Variants in TLE3 observed in about 807,000 individuals in gnomAD.
TLE3 encodes TLE family member 3, transcriptional corepressor.
In TLE3, 14 loss-of-function variants were observed where a neutral mutation model predicts 93.0. That is an observed-to-expected ratio of 0.15 (90% CI 0.10 to 0.24). The LOEUF (loss-of-function observed/expected upper bound fraction) is 0.24. Among genes scored for constraint, TLE3 ranks in the 10% least tolerant of loss-of-function variants. The pLI is 1.00. For missense variants in TLE3, 693 were observed against 1,046.6 expected (o/e 0.66, Z 4.66); for synonymous variants, 451 against 425.0 (o/e 1.06, Z -0.75).
intron 1 of TLE3, chr15:70,096,527 CTT>C: frequency 7.5e-7 from 1 of 1,325,276 alleles, no homozygotes; most frequent in South Asian, 1.3e-5. Context: ...AGTTGGGAGA[CTT>C]CAGAGCGGGG....
rs1363905466 is a variant in TLE3 at position 70,050,139 on chromosome 15, G to A, written c.2268C>T (p.Gly756=). ...AAACTGTGGCCTTCTTGTCACCAGA[G>A]CCTGTTACAATGTATTTGTCATCCG... The part of the protein sequence containing the change: ...ISADDKYIVT[G]SGDKKATVYE... The change falls in exon 20 of 20, where the codon GGC becomes GGT. Residue 756 remains glycine, a synonymous_variant. Transcript: ENST00000451782. 6.2e-7 allele frequency: 1 copy of A among 1,614,016 alleles called. No individual in the cohort carries two copies. The highest frequency in any genetic ancestry group is 1.3e-5 in the African/African-American group (1 of 74,934).
At position 70,057,519 on chromosome 15, in the gene TLE3, G is replaced by T; in HGVS notation, c.1191C>A (p.Ser397Arg). ...AGLHNIPPQM[S>R]AAAAAAAAAY... is the part of the protein sequence containing the mutation. ...CAGCGGCTGCAGCAGCGGCGGCGGC[G>T]CTCATCTGGGGTGGGATGTTGTGGA... The change falls in exon 13 of 20, where the codon AGC (serine) becomes AGA (arginine). Residue 397 changes from serine to arginine, a missense_variant. Ser to Arg is a moderately radical substitution (Grantham distance 110, BLOSUM62 -1). Transcript: ENST00000451782. 1 of 1,607,560 alleles carries T rather than the reference G, an allele frequency of 6.2e-7. No homozygotes were observed. Among genetic ancestry groups the T allele is most frequent in the Non-Finnish European group, 8.5e-7 (1 of 1,177,326 alleles).
At chr15:70,072,275 C>T (rs767339348) in intron 6 of TLE3, among the ~76,000 whole-genome samples, 6 of 152,160 alleles carry the variant, frequency 3.9e-5, no homozygotes, top group Non-Finnish European at 8.8e-5. Context: ...AGTTTTACTC[C>T]TTTCTTAAAA....
At chr15:70,060,726 G>C (rs914604420) in intron 8 of TLE3, 77 bp from the exon 9 acceptor site, 2 of 1,586,700 alleles carry the variant, frequency 1.3e-6, no homozygotes, top group African/African-American at 2.7e-5. Context: ...ACAGCTAAGT[G>C]CAGGTGACAC....
intron 17 of TLE3, 184 bp downstream of exon 17, chr15:70,053,043 G>A: frequency 1.4e-6 from 1 of 698,906 alleles, no homozygotes; most frequent in Non-Finnish European, 2.3e-6. Context: ...CCAACCCCAA[G>A]GTCATCTCCA....
At chr15:70,051,246 G>T (rs1004419296) in intron 19 of TLE3, 145 bp downstream of exon 19, 10 of 706,902 alleles carry the variant, frequency 1.4e-5, no homozygotes, top group Non-Finnish European at 2.3e-5. Context: ...CCCCTATCAG[G>T]TAGGGGTGGG....
rs139644400 is a variant in TLE3, at chr15:70,062,352, C to T, written c.595-1703G>A. Among the ~76,000 whole-genome samples, 73 of 152,358 alleles carry T rather than the reference C, an allele frequency of 4.8e-4. 2 individuals are homozygous for T. The East Asian group carries it at 0.013, about 27-fold the overall frequency. On this transcript the variant is annotated intron_variant, in intron 8 of 19. Transcript: ENST00000451782. Reference sequence around the variant, plus strand: ...CTAAGCAGAAATGCTTCCAGCCCCTCGCACTGGCTGCCCCTTGCAGGCGGG... The same window carrying T: ...CTAAGCAGAAATGCTTCCAGCCCCTTGCACTGGCTGCCCCTTGCAGGCGGG...
At chr15:70,077,876 C>T (rs1265387864) in intron 4 of TLE3, among the ~76,000 whole-genome samples, 1 of 152,260 alleles carries the variant, frequency 6.6e-6, no homozygotes, top group Non-Finnish European at 1.5e-5. Context: ...ACTGTGTCAA[C>T]AATGGCCCCC....
Position 70,064,436 on chromosome 15 carries a change from C to T in TLE3, c.594+18G>A. ...AGCACCCAAACACCCCTCCGGGTTCCAGAGTGCCAACACTTACCGCACTGG... is the reference window on the plus strand; with the variant it reads ...AGCACCCAAACACCCCTCCGGGTTCTAGAGTGCCAACACTTACCGCACTGG... On this transcript the variant is annotated intron_variant, in intron 8 of 19. Transcript: ENST00000451782. The T allele has an allele frequency of 6.2e-7, 1 of 1,613,656 alleles. No homozygotes were observed. Among genetic ancestry groups the T allele is most frequent in the Non-Finnish European group, 8.5e-7 (1 of 1,179,686 alleles).
intron 17 of TLE3, 143 bp from the exon 18 acceptor site, chr15:70,052,667 AT>A: frequency 2.5e-6 from 2 of 815,192 alleles, no homozygotes; most frequent in Non-Finnish European, 3.5e-6. Flanking sequence ...ATGGGAGGTC[AT>A]TTTCCATCCC....
Position 70,097,011 on chromosome 15 carries a change from T to TCGGCGGGCGCCGGGGCCGGG in TLE3, c.-233_-214dup, listed in dbSNP as rs2058599888. 1.7e-6 allele frequency: 1 copy of TCGGCGGGCGCCGGGGCCGGG among 585,074 alleles called. No homozygotes were observed. The highest frequency in any genetic ancestry group is 2.9e-6 in the Non-Finnish European group (1 of 342,942). 36.2% of individuals were successfully genotyped at this position (585,074 alleles called of 1,614,324 possible). A position where few individuals can be genotyped will look rare whatever the true frequency, so the allele number is the denominator to read the frequency against. On this transcript the variant is annotated 5_prime_UTR_variant, in exon 1 of 20. Coordinates refer to ENST00000451782, the MANE Select transcript of TLE3 (RefSeq NM_001105192.3). ...AGCCGCGGAGCAGGCGGCAAAGTCGTCGGCGGGCGCCGGGGCCGGGCGGCG... is the reference window on the plus strand; with the variant it reads ...AGCCGCGGAGCAGGCGGCAAAGTCGTCGGCGGGCGCCGGGGCCGGGCGGCGGGCGCCGGGGCCGGGCGGCG...
chr15:70,074,481 G>T, intron 6 of TLE3, 52 bp downstream of exon 6: 2 of 1,572,300 alleles, frequency 1.3e-6, no homozygotes, highest in African/African-American at 1.3e-5. Context: ...ATAAATGAGA[G>T]GAATAAAAGG....
Position 70,051,486 on chromosome 15 carries a change from G to C in TLE3, c.2126-19C>G, listed in dbSNP as rs576030327. On this transcript the variant is annotated intron_variant, in intron 18 of 19. Transcript: ENST00000451782. ...CACTTGCCTGCAGGTGGGAGGCAAA[G>C]GCATGATCAGGTTGTAGCTCACTGC... is the stretch of plus-strand genomic sequence containing the variant. The C allele has an allele frequency of 1.3e-6, 2 of 1,595,006 alleles. No individual in the cohort carries two copies. The highest frequency in any genetic ancestry group is 1.7e-6 in the Non-Finnish European group (2 of 1,170,270).
At chr15:70,067,543 G>C (rs369758398) in intron 6 of TLE3, among the ~76,000 whole-genome samples, 8 of 152,298 alleles carry the variant, frequency 5.3e-5, no homozygotes, top group African/African-American at 1.9e-4. Context: ...GGGGTTGGTG[G>C]AAAGTGCCAT....
intron 3 of TLE3, 157 bp downstream of exon 3, chr15:70,095,421 G>C: frequency 6.7e-7 from 1 of 1,499,202 alleles, no homozygotes; most frequent in Non-Finnish European, 8.9e-7. Context: ...AATGGAAGCT[G>C]GGGAAGGGGA....
intron 4 of TLE3, among the ~76,000 whole-genome samples, chr15:70,082,326 TG>T (rs1306567876): frequency 7.0e-6 from 1 of 142,828 alleles, no homozygotes; most frequent in Non-Finnish European, 1.5e-5. Context: ...AAGAAATCCA[TG>T]GGGGGGCCGG....
Position 70,096,833 on chromosome 15 carries a change from G to A in TLE3, c.-35C>T. The A allele has an allele frequency of 6.2e-7, 1 of 1,606,716 alleles. No homozygotes were observed. The highest frequency in any genetic ancestry group is 1.3e-5 in the African/African-American group (1 of 74,580). On this transcript the variant is annotated 5_prime_UTR_variant, in exon 1 of 20. Coordinates refer to ENST00000451782, the MANE Select transcript of TLE3 (RefSeq NM_001105192.3). ...GGGTCGTGATTCCGAGAGCGTGGAAGCGCCGAGAGCCCGGGCCGGGGAGGT... is the reference window on the plus strand; with the variant it reads ...GGGTCGTGATTCCGAGAGCGTGGAAACGCCGAGAGCCCGGGCCGGGGAGGT...
In TLE3 at chr15:70,095,634, C is replaced by T; in HGVS notation, c.133G>A (p.Val45Met). The change falls in exon 3 of 20, where the codon GTG (valine) becomes ATG (methionine). Residue 45 changes from valine to methionine, a missense_variant. Val to Met is a conservative substitution (Grantham distance 21). Around this residue, in one of 4 missense-constraint regions of TLE3, gnomAD observed 104 missense variants for 173.8 expected, o/e 0.60. Transcript: ENST00000451782. ...TCGTTTGCCAGCTTGTCGTACTCCA[C>T]TTTGAGGCTGCGAGGGCAGGAGGAG... ...FLQAQYHSLKVEYDKLANEKT... is the reference protein window; with the variant it reads ...FLQAQYHSLKMEYDKLANEKT... The T allele has an allele frequency of 6.4e-7, 1 of 1,551,530 alleles. No homozygotes were observed.
At chr15:70,065,979 G>GCCCC in intron 7 of TLE3, 35 bp downstream of exon 7, 22 of 1,089,082 alleles carry the variant, frequency 2.0e-5, no homozygotes, top group Non-Finnish European at 2.9e-5. Context: ...GCCCACCCCT[G>GCCCC]CCCCGCCCCA....
Sources: gnomAD v4.1 joint callset for allele counts (sites outside exome capture counted in the v4.1 genomes callset) on GRCh38, gnomAD v4.1.1 for gene constraint, gnomAD v4.1.1 regional missense constraint, MANE v1.5 for transcripts, NCBI Gene and HGNC (gene_info 2026-07-23, HGNC 2026-07-21) for gene names.